The following EYS variants were observed in gnomAD, a reference collection of about 807,000 sequenced individuals.
EYS encodes EGF-like photoreceptor maintenance factor.
EYS carries 250 observed loss-of-function variants against 282.1 expected under a neutral mutation model. That is an observed-to-expected ratio of 0.89 (90% CI 0.80 to 0.98). EYS has a LOEUF of 0.98. Among genes scored for constraint, EYS ranks in the 50% least tolerant of loss-of-function variants. The pLI is 0.00. For synonymous variants in EYS, 1,355 were observed against 1,282.9 expected, an observed-to-expected ratio of 1.06 and a Z score of -1.20; for missense variants, 4,016 against 3,709.0, an observed-to-expected ratio of 1.08 and a Z score of -2.15.
At chr6:64,795,624 AC>A (rs1033791390) in intron 22 of EYS, among the ~76,000 whole-genome samples, 4 of 152,148 alleles carry the variant, frequency 2.6e-5, no homozygotes, top group Middle Eastern at 3.2e-3. Context: ...CTCTCAAGGG[AC>A]CGTGTAAACA....
chr6:64,111,374 GGA>G (rs1773198855), intron 31 of EYS, among the ~76,000 whole-genome samples: 1 of 152,032 alleles, frequency 6.6e-6, no homozygotes, highest in Non-Finnish European at 1.5e-5. Context: ...AGAGGCTATA[GGA>G]GTCGAGCACG....
At chr6:65,238,059 T>C (rs1175019922) in intron 12 of EYS, among the ~76,000 whole-genome samples, 1 of 151,942 alleles carries the variant, frequency 6.6e-6, no homozygotes, top group African/African-American at 2.4e-5. Context: ...TATATGTATA[T>C]AGATGGAAAC....
chr6:63,961,582 CTTTATTTATA>C (rs1044332346), intron 35 of EYS, among the ~76,000 whole-genome samples: 28 of 152,062 alleles, frequency 1.8e-4, no homozygotes, highest in Non-Finnish European at 2.5e-4. Context: ...CTTTATTGCT[CTTTATTTATA>C]TTTATTTATA....
chr6:65,464,434 G>C lies in EYS; in HGVS notation c.862+26160C>G, dbSNP rs77362941. Among the ~76,000 whole-genome samples the C allele has an allele frequency of 5.3e-5, 8 of 152,112 alleles. No homozygotes were observed. In the East Asian group the frequency reaches 1.3e-3, roughly 26 times the overall value. On this transcript the variant is annotated intron_variant, in intron 5 of 42. Coordinates refer to ENST00000503581, the MANE Select transcript of EYS (RefSeq NM_001142800.2). Reference sequence around the variant, plus strand: ...CATGATAAGATATCTCCCAAATTATGTCAAATATATCTGTGAAAACTGAAA... The same window carrying C: ...CATGATAAGATATCTCCCAAATTATCTCAAATATATCTGTGAAAACTGAAA...
At chr6:65,386,912 A>T (rs1410585518) in intron 7 of EYS, among the ~76,000 whole-genome samples, 1 of 151,874 alleles carries the variant, frequency 6.6e-6, no homozygotes, top group African/African-American at 2.4e-5. Context: ...TGTGATGGAA[A>T]TATTTAAGGT....
intron 26 of EYS, among the ~76,000 whole-genome samples, chr6:64,489,910 C>T (rs1374142867): frequency 6.6e-6 from 1 of 150,712 alleles, no homozygotes; most frequent in Non-Finnish European, 1.5e-5. Context: ...AGGACACATG[C>T]TTCATGAAGA....
At chr6:64,704,446 TTATAA>T (rs992185254) in intron 22 of EYS, among the ~76,000 whole-genome samples, 14 of 141,988 alleles carry the variant, frequency 9.9e-5, no homozygotes, top group Admixed American at 1.5e-4. Flanking sequence ...ATAATCTATA[TTATAA>T]TATAATTATA....
rs556524033 is a variant in EYS, at chr6:65,045,810, G to A, written c.2137+11804C>T. ...CTCAAGAACAGCTGTAGAATGGCTA[G>A]GGATGTAGCTGGTAGATGTAGATGT... On this transcript the variant is annotated intron_variant, in intron 13 of 42. Coordinates refer to ENST00000503581, the MANE Select transcript of EYS (RefSeq NM_001142800.2). 1.1e-4 allele frequency among the ~76,000 whole-genome samples: 16 copies of A among 152,008 alleles called. No individual in the cohort carries two copies. In the South Asian group the frequency reaches 3.1e-3, roughly 30 times the overall value.
At chr6:63,847,028 T>C (rs961247878) in intron 36 of EYS, among the ~76,000 whole-genome samples, 1 of 152,170 alleles carries the variant, frequency 6.6e-6, no homozygotes, top group Non-Finnish European at 1.5e-5. Flanking sequence ...CACATAGCCC[T>C]TCAGGAAACA....
chr6:65,592,186 AAC>A (rs1160327361), intron 2 of EYS, among the ~76,000 whole-genome samples: 1 of 152,012 alleles, frequency 6.6e-6, no homozygotes, highest in Admixed American at 6.6e-5. Flanking sequence ...CTAAAAAATG[AAC>A]ATTTTCATAA....
chr6:65,163,969 C>A (rs1315217134), intron 12 of EYS, among the ~76,000 whole-genome samples: 1 of 151,218 alleles, frequency 6.6e-6, no homozygotes, highest in African/African-American at 2.4e-5. Context: ...TCAGATGCAT[C>A]CCTGAGACTA....
intron 23 of EYS, among the ~76,000 whole-genome samples, chr6:64,621,127 C>T (rs1012768012): frequency 1.1e-4 from 17 of 151,970 alleles, no homozygotes; most frequent in African/African-American, 3.9e-4. Flanking sequence ...GCCAACCCAC[C>T]CAGCCTAAAA....
chr6:64,122,284 C>G (rs1311822677), intron 31 of EYS, among the ~76,000 whole-genome samples: 1 of 152,054 alleles, frequency 6.6e-6, no homozygotes, highest in African/African-American at 2.4e-5. Context: ...ATATAAGAAC[C>G]ACTTTCATAG....
At chr6:64,029,324 C>T (rs1480670750) in intron 33 of EYS, among the ~76,000 whole-genome samples, 1 of 152,204 alleles carries the variant, frequency 6.6e-6, no homozygotes, top group Non-Finnish European at 1.5e-5. Flanking sequence ...GCTGGCCTCA[C>T]TGTTTAAGGG....
At position 63,843,094 on chromosome 6, in the gene EYS, C is replaced by CT. The variant is rs1197422676; in HGVS notation, c.7228+21091dup. Among the ~76,000 whole-genome samples the CT allele has an allele frequency of 5.9e-5, 9 of 152,206 alleles. No individual in the cohort carries two copies. In the South Asian group the frequency reaches 1.2e-3, roughly 21 times the overall value. The stretch of plus-strand genomic sequence containing the variant: ...TAGGATTGTCTTGGCTATACAAGCT[C>CT]TTTTTTGGTTTCATATGAAATTTAA... On this transcript the variant is annotated intron_variant, in intron 36 of 42. Coordinates refer to ENST00000503581, the MANE Select transcript of EYS (RefSeq NM_001142800.2).
At chr6:64,348,521 G>A (rs1771499754) in intron 29 of EYS, among the ~76,000 whole-genome samples, 1 of 151,342 alleles carries the variant, frequency 6.6e-6, no homozygotes, top group Non-Finnish European at 1.5e-5. Context: ...TGAGTTGAAT[G>A]TTTCATTCTG....
intron 1 of EYS, among the ~76,000 whole-genome samples, chr6:65,640,875 A>C (rs543787444): frequency 6.6e-6 from 1 of 152,210 alleles, no homozygotes; most frequent in African/African-American, 2.4e-5. Flanking sequence ...CTGAAAAATT[A>C]TCAGCCACAA....
At chr6:63,844,388 C>T (rs762268607) in intron 36 of EYS, among the ~76,000 whole-genome samples, 1 of 152,120 alleles carries the variant, frequency 6.6e-6, no homozygotes, top group Non-Finnish European at 1.5e-5. Context: ...GGATTGCTGG[C>T]TCAAATGGTA....
intron 30 of EYS, among the ~76,000 whole-genome samples, chr6:64,240,741 G>C (rs1400367271): frequency 6.6e-6 from 1 of 151,938 alleles, no homozygotes; most frequent in East Asian, 1.9e-4. Context: ...AATACCCCTT[G>C]TTTCTTTCTC....
Sources: allele counts gnomAD v4.1 joint callset (sites outside exome capture counted in the v4.1 genomes callset), GRCh38; gene constraint gnomAD v4.1.1; transcripts MANE v1.5; gene names NCBI Gene and HGNC (gene_info 2026-07-23, HGNC 2026-07-21).